SHISA9: variants seen among roughly 807,000 people sequenced by gnomAD.
SHISA9 encodes protein shisa-9.
In SHISA9, 13 loss-of-function variants were observed where a neutral mutation model predicts 38.0. That is an observed-to-expected ratio of 0.34 (90% CI 0.22 to 0.54). SHISA9 has a LOEUF of 0.54. Among genes scored for constraint, SHISA9 ranks in the 20% least tolerant of loss-of-function variants. The pLI is 0.91. For missense variants in SHISA9, 538 were observed against 575.8 expected (o/e 0.93, Z 0.67); for synonymous variants, 275 against 242.0 (o/e 1.14, Z -1.27).
At chr16:13,536,001 CTTTTTTTT>C in the SHISA9 span, among the ~76,000 whole-genome samples, 5 of 144,710 alleles carry the variant, frequency 3.5e-5, no homozygotes, top group Admixed American at 2.8e-4. Context: ...ATATTTTTTT[CTTTTTTTT>C]TTTTTTTGAA....
the SHISA9 span, among the ~76,000 whole-genome samples, chr16:13,426,689 A>C: frequency 6.6e-6 from 1 of 152,238 alleles, no homozygotes; most frequent in Non-Finnish European, 1.5e-5. Context: ...TGGCTAACTT[A>C]ATAAAGCTTC....
chr16:13,221,481 C>G (rs1164902324), intron 4 of SHISA9, among the ~76,000 whole-genome samples: 1 of 146,650 alleles, frequency 6.8e-6, no homozygotes. Context: ...CTTTCCCTAT[C>G]ACTTTTTAAT....
chr16:13,257,366 T>C, the SHISA9 span, among the ~76,000 whole-genome samples: 1 of 152,174 alleles, frequency 6.6e-6, no homozygotes, highest in Non-Finnish European at 1.5e-5. Context: ...TCTGGGACTC[T>C]CCTTTCTGAT....
Position 12,902,128 on chromosome 16 carries a change from C to A in SHISA9, c.64C>A (p.Arg22=). 6.7e-7 allele frequency: 1 copy of A among 1,501,742 alleles called. No individual in the cohort carries two copies. The highest frequency in any genetic ancestry group is 8.8e-7 in the Non-Finnish European group (1 of 1,134,262). 93.0% of individuals were successfully genotyped at this position (1,501,742 alleles called of 1,614,324 possible). The change falls in exon 1 of 5, where the codon CGG becomes AGG. Residue 22 remains arginine (R), a synonymous_variant. Coordinates refer to ENST00000558583, the MANE Select transcript of SHISA9 (RefSeq NM_001145204.3). ...FLTELCARVC[R]AQERAGHGQL... is the part of the protein sequence containing the mutation. ...CACCGAGCTGTGCGCCCGCGTGTGC[C>A]GGGCGCAGGAGCGAGCGGGACACGG...
chr16:13,043,584 C>T (rs901729088), intron 2 of SHISA9, among the ~76,000 whole-genome samples: 4 of 152,110 alleles, frequency 2.6e-5, no homozygotes, highest in Admixed American at 2.6e-4. Context: ...ATATGAAGAC[C>T]CAAAGTTGTC....
intron 2 of SHISA9, among the ~76,000 whole-genome samples, chr16:12,942,891 C>G (rs987482576): frequency 1.3e-5 from 2 of 152,110 alleles, no homozygotes; most frequent in Non-Finnish European, 2.9e-5. Flanking sequence ...TTTAGGCACA[C>G]GTAGGTCTCA....
chr16:13,385,421 C>G, the SHISA9 span, among the ~76,000 whole-genome samples: 1 of 152,016 alleles, frequency 6.6e-6, no homozygotes, highest in South Asian at 2.1e-4. Context: ...AATGCTTAAA[C>G]AAACTGTGGT....
chr16:13,207,029 T>C (rs2550563), intron 3 of SHISA9, among the ~76,000 whole-genome samples: 41,083 of 152,152 alleles, frequency 0.27, 6,345 homozygotes, highest in African/African-American at 0.42. Flanking sequence ...TATTCTTCTT[T>C]AGGCATTTAA....
At chr16:13,299,914 T>C in the SHISA9 span, among the ~76,000 whole-genome samples, 1 of 152,188 alleles carries the variant, frequency 6.6e-6, no homozygotes, top group African/African-American at 2.4e-5. Flanking sequence ...ACATACTCTA[T>C]AGGGTGACGG....
the SHISA9 span, among the ~76,000 whole-genome samples, chr16:13,408,707 C>G: frequency 6.6e-6 from 1 of 152,146 alleles, no homozygotes; most frequent in Non-Finnish European, 1.5e-5. Flanking sequence ...TAACTTTTGC[C>G]TTCATACATT....
chr16:13,427,546 G>C, the SHISA9 span, among the ~76,000 whole-genome samples: 5 of 152,230 alleles, frequency 3.3e-5, no homozygotes, highest in African/African-American at 1.2e-4. Flanking sequence ...CCTTGTGGAA[G>C]ACATGTGGCT....
chr16:12,971,614 A>G (rs2072083859), intron 2 of SHISA9, among the ~76,000 whole-genome samples: 1 of 152,124 alleles, frequency 6.6e-6, no homozygotes, highest in Non-Finnish European at 1.5e-5. Context: ...TACTCACCCC[A>G]TGCTGTTGTG....
chr16:13,376,821 G>A, the SHISA9 span, among the ~76,000 whole-genome samples: 1 of 152,070 alleles, frequency 6.6e-6, no homozygotes, highest in Non-Finnish European at 1.5e-5. Flanking sequence ...CTGAGTAGCT[G>A]AGACTACAGG....
chr16:13,522,540 C>G, the SHISA9 span, among the ~76,000 whole-genome samples: 2 of 152,288 alleles, frequency 1.3e-5, no homozygotes, highest in African/African-American at 2.4e-5. Flanking sequence ...TGGAGGCCAG[C>G]TGTCATTCCA....
chr16:13,021,552 C>G (rs1420329235), intron 2 of SHISA9, among the ~76,000 whole-genome samples: 1 of 152,158 alleles, frequency 6.6e-6, no homozygotes, highest in Non-Finnish European at 1.5e-5. Flanking sequence ...GTACCTGACT[C>G]AGAACAATCA....
the SHISA9 span, among the ~76,000 whole-genome samples, chr16:13,299,540 G>A: frequency 4.0e-5 from 6 of 151,750 alleles, no homozygotes; most frequent in Admixed American, 3.3e-4. Context: ...ATGGTGAAAC[G>A]CTCTCTGTAC....
the SHISA9 span, among the ~76,000 whole-genome samples, chr16:13,465,043 T>G: frequency 6.6e-6 from 1 of 152,184 alleles, no homozygotes; most frequent in African/African-American, 2.4e-5. Context: ...TATTTGCCAT[T>G]AACCTTGTAG....
chr16:13,499,473 T>C, the SHISA9 span, among the ~76,000 whole-genome samples: 1 of 152,110 alleles, frequency 6.6e-6, no homozygotes, highest in African/African-American at 2.4e-5. Context: ...CCTCTACAAA[T>C]TGTGAGTACA....
chr16:13,084,488 T>C (rs2141940004), intron 2 of SHISA9, among the ~76,000 whole-genome samples: 1 of 152,294 alleles, frequency 6.6e-6, no homozygotes, highest in South Asian at 2.1e-4. Context: ...CAGACAGGGC[T>C]GGAAAGAGAA....
Sources: allele counts gnomAD v4.1 joint callset (sites outside exome capture counted in the v4.1 genomes callset), GRCh38; gene constraint gnomAD v4.1.1; transcripts MANE v1.5; gene names NCBI Gene and HGNC (gene_info 2026-07-23, HGNC 2026-07-21).